Variants in BTNL3 observed in about 807,000 individuals in gnomAD.
BTNL3 encodes butyrophilin like 3.
Under a neutral mutation model 40.1 loss-of-function variants are expected in BTNL3, and 20 were observed. The observed-to-expected ratio is 0.50, with a 90% CI of 0.35 to 0.72. The LOEUF (loss-of-function observed/expected upper bound fraction) is 0.72. Ranked by LOEUF, BTNL3 falls within the 30% of genes least tolerant of loss-of-function variation. The pLI is 0.01. For missense variants in BTNL3, 449 were observed against 582.2 expected, an observed-to-expected ratio of 0.77 and a Z score of 2.35; for synonymous variants, 179 against 222.1, an observed-to-expected ratio of 0.81 and a Z score of 1.73.
chr5:180,992,945 A>C lies in BTNL3; in HGVS notation c.182A>C (p.His61Pro), dbSNP rs762207565. ...GTGCGGTTCTTCAGGAATCAGTTCC[A>C]TGCTGTGGTCCACCTCTACAGAGAT... ...MEVRFFRNQF[H>P]AVVHLYRDGE... is the part of the protein sequence containing the mutation. Residue 61 changes from histidine (H) to proline (P), a missense_variant, in exon 2 of 8, where the codon CAT becomes CCT. By Grantham distance (77) the His-to-Pro change is moderately conservative. This residue lies in a region of BTNL3 where 323 missense variants were observed against 464.9 expected (regional missense o/e 0.69). Transcript: ENST00000342868. The C allele has an allele frequency of 1.4e-6, 2 of 1,463,112 alleles. 1 individual carries two copies. The highest frequency in any genetic ancestry group is 1.9e-6 in the Non-Finnish European group (2 of 1,058,860). The allele number at this position is 1,463,112 out of a possible 1,614,324, so 90.6% of individuals were successfully genotyped here.
Position 180,989,043 on chromosome 5 carries a change from C to A in BTNL3, c.15C>A (p.Leu5=), listed in dbSNP as rs1449937225. ...CAGGAATATCCATGGCTTTTGTGCTCATTTTGGTTCTCAGTTTCTACGAGC... is the reference window on the plus strand; with the variant it reads ...CAGGAATATCCATGGCTTTTGTGCTAATTTTGGTTCTCAGTTTCTACGAGC... The part of the protein sequence containing the change: MAFV[L]ILVLSFYELV... The change falls in exon 1 of 8, where the codon CTC becomes CTA. Residue 5 remains leucine (L), a synonymous_variant. Coordinates refer to ENST00000342868, the MANE Select transcript of BTNL3 (RefSeq NM_197975.3). The A allele has an allele frequency of 2.0e-5, 29 of 1,450,286 alleles. 7 individuals carry two copies. Among genetic ancestry groups the A allele is most frequent in the Non-Finnish European group, 2.6e-5 (27 of 1,052,140 alleles). 89.8% of individuals were successfully genotyped at this position (1,450,286 alleles called of 1,614,324 possible). A position where few individuals can be genotyped will look rare whatever the true frequency, so the allele number is the denominator to read the frequency against.
At chr5:180,998,179 TA>T (rs1195453075) in intron 3 of BTNL3, among the ~76,000 whole-genome samples, 1 of 136,172 alleles carries the variant, frequency 7.3e-6, no homozygotes, top group African/African-American at 2.5e-5. Flanking sequence ...TCATTGAAAA[TA>T]AAAAATACTC....
At position 180,999,257 on chromosome 5, in the gene BTNL3, T is replaced by C. The variant is rs1414704149; in HGVS notation, c.673+1769T>C. Among the ~76,000 whole-genome samples, 4 of 136,570 alleles carry C rather than the reference T, an allele frequency of 2.9e-5. 1 individual carries two copies. The highest frequency in any genetic ancestry group is 1.0e-4 in the African/African-American group (4 of 39,630). 89.6% of individuals were successfully genotyped at this position (136,570 alleles called of 152,430 possible). On this transcript the variant is annotated intron_variant, in intron 3 of 7. Transcript: ENST00000342868. ...GAAAGTGGAAGAAATCCTAAAGATA[T>C]AGAAATATGGAAATATAAAGACAAA... is the stretch of plus-strand genomic sequence containing the variant.
At position 181,005,952 on chromosome 5, in the gene BTNL3, C is replaced by G; in HGVS notation, c.*80C>G. 1 of 1,423,270 alleles carries G rather than the reference C, an allele frequency of 7.0e-7. No individual in the cohort carries two copies. The highest frequency in any genetic ancestry group is 2.4e-5 in the East Asian group (1 of 41,058). The allele number at this position is 1,423,270 out of a possible 1,614,324, so 88.2% of individuals were successfully genotyped here. A position where few individuals can be genotyped will look rare whatever the true frequency, so the allele number is the denominator to read the frequency against. On this transcript the variant is annotated 3_prime_UTR_variant, in exon 8 of 8. Coordinates refer to ENST00000342868, the MANE Select transcript of BTNL3 (RefSeq NM_197975.3). ...GGGAGAGTGCTCCCGACAGGTGGCC[C>G]CAGCTTCCTCTCCGGAGCCTGCGCA... is the stretch of plus-strand genomic sequence containing the variant.
chr5:180,992,179 A>G (rs2113075368), intron 1 of BTNL3, among the ~76,000 whole-genome samples: 1 of 137,328 alleles, frequency 7.3e-6, no homozygotes, highest in Admixed American at 7.7e-5. Context: ...TGAAATAAAA[A>G]CTACAAAATC....
At position 180,990,576 on chromosome 5, in the gene BTNL3, G is replaced by A. The variant is rs1027037554; in HGVS notation, c.49+1499G>A. Among the ~76,000 whole-genome samples the A allele has an allele frequency of 1.6e-4, 22 of 137,496 alleles. 1 individual carries two copies. Among genetic ancestry groups the A allele is most frequent in the African/African-American group, 5.0e-4 (20 of 39,910 alleles). 90.2% of individuals were successfully genotyped at this position (137,496 alleles called of 152,430 possible). On this transcript the variant is annotated intron_variant, in intron 1 of 7. Coordinates refer to ENST00000342868, the MANE Select transcript of BTNL3 (RefSeq NM_197975.3). ...AGGGGAAGGAGTAAAGGGAGACGCTGTCGGCAAGACAAATGACAGCAGCAA... is the reference window on the plus strand; with the variant it reads ...AGGGGAAGGAGTAAAGGGAGACGCTATCGGCAAGACAAATGACAGCAGCAA...
rs367992052 is a variant in BTNL3, at chr5:181,005,602, T to C, written c.1131T>C (p.Tyr377=). 1.2e-4 allele frequency: 194 copies of C among 1,613,962 alleles called. 2 individuals carry two copies. The highest frequency in any genetic ancestry group is 1.0e-3 in the African/African-American group (76 of 74,968). Residue 377 remains tyrosine (Y), a synonymous_variant, in exon 8 of 8, where the codon TAT becomes TAC. Coordinates refer to ENST00000342868, the MANE Select transcript of BTNL3 (RefSeq NM_197975.3). ...TGACTTTGTCTCCCAACAATGGGTATTGGGTCCTCAGACTGACAACAGAAC... is the reference window on the plus strand; with the variant it reads ...TGACTTTGTCTCCCAACAATGGGTACTGGGTCCTCAGACTGACAACAGAAC... ...NNVTLSPNNG[Y]WVLRLTTEHL...
intron 7 of BTNL3, among the ~76,000 whole-genome samples, chr5:181,005,024 T>G (rs10063135): frequency 0.37 from 56,061 of 151,832 alleles, 10,604 homozygotes; most frequent in African/African-American, 0.43. Flanking sequence ...AAAGGGGAAC[T>G]AAGTGAAGTT....
chr5:180,990,259 T>C (rs1423516167), intron 1 of BTNL3, among the ~76,000 whole-genome samples: 1 of 138,026 alleles, frequency 7.2e-6, no homozygotes, highest in Non-Finnish European at 1.7e-5. Flanking sequence ...CCTTTCTGTC[T>C]GCTTTCTGTT....
chr5:181,001,511 C>A lies in BTNL3; in HGVS notation c.674-1161C>A, dbSNP rs2113084716. On this transcript the variant is annotated intron_variant, in intron 3 of 7. Transcript: ENST00000342868. ...AATATTTTTATAGATGGGGGGGGGT[C>A]TCACTTTGTTGCCTAGACTGGTCTC... Among the ~76,000 whole-genome samples, 2 of 121,354 alleles carry A rather than the reference C, an allele frequency of 1.6e-5. 1 individual carries two copies. The highest frequency in any genetic ancestry group is 6.0e-5 in the African/African-American group (2 of 33,438). The allele number at this position is 121,354 out of a possible 152,430, so 79.6% of individuals were successfully genotyped here. A position where few individuals can be genotyped will look rare whatever the true frequency, so the allele number is the denominator to read the frequency against.
chr5:180,996,860 C>T lies in BTNL3; in HGVS notation c.398-353C>T, dbSNP rs775991830. ...TATGAAATGTATTTTATACAGTTTC[C>T]TCACTATTTGATCAATGAGTTTCTC... is the stretch of plus-strand genomic sequence containing the variant. On this transcript the variant is annotated intron_variant, in intron 2 of 7. Coordinates refer to ENST00000342868, the MANE Select transcript of BTNL3 (RefSeq NM_197975.3). 2.2e-4 allele frequency among the ~76,000 whole-genome samples: 30 copies of T among 136,890 alleles called. 7 individuals are homozygous for T. Among genetic ancestry groups the T allele is most frequent in the Non-Finnish European group, 4.7e-4 (28 of 59,870 alleles). 89.8% of individuals were successfully genotyped at this position (136,890 alleles called of 152,430 possible).
Position 180,997,346 on chromosome 5 carries a change from A to T in BTNL3, c.531A>T (p.Ser177=). Residue 177 remains serine, a synonymous_variant, in exon 3 of 8, where the codon TCA becomes TCT. Coordinates refer to ENST00000342868, the MANE Select transcript of BTNL3 (RefSeq NM_197975.3). ...WKGPQGQDLS[S]DSRANADGYS... ...GTCCACAAGGACAGGATTTGTCTTC[A>T]GACTCCAGAGCAAATGCAGATGGGT... 1 of 1,464,498 alleles carries T rather than the reference A, an allele frequency of 6.8e-7. No homozygotes were observed. The highest frequency in any genetic ancestry group is 9.4e-7 in the Non-Finnish European group (1 of 1,059,344). 90.7% of individuals were successfully genotyped at this position (1,464,498 alleles called of 1,614,324 possible).
chr5:180,996,511 G>GT (rs971551815), intron 2 of BTNL3, among the ~76,000 whole-genome samples: 2 of 136,642 alleles, frequency 1.5e-5, no homozygotes, highest in African/African-American at 5.0e-5. Flanking sequence ...CGTTGCTCAG[G>GT]TCAGTGAAGG....
chr5:181,006,081 G>A lies in BTNL3; in HGVS notation c.*209G>A. 1.8e-6 allele frequency: 1 copy of A among 547,422 alleles called. No individual in the cohort carries two copies. The highest frequency in any genetic ancestry group is 3.7e-5 in the South Asian group (1 of 27,358). The allele number at this position is 547,422 out of a possible 1,614,324, so 33.9% of individuals were successfully genotyped here. On this transcript the variant is annotated 3_prime_UTR_variant, in exon 8 of 8. Transcript: ENST00000342868. ...CTTCCAGATGAGGGGGGATTGGCCTGACCCTGTGGGAGTCAGAAGCCATGG... is the reference window on the plus strand; with the variant it reads ...CTTCCAGATGAGGGGGGATTGGCCTAACCCTGTGGGAGTCAGAAGCCATGG...
rs528202186 is a variant in BTNL3, at chr5:180,998,937, G to A, written c.673+1449G>A. ...AGGTCAGGAGTTCAAGACCAGCCTG[G>A]CCATAATGGTGAAACCCCGTCTCTA... On this transcript the variant is annotated intron_variant, in intron 3 of 7. Transcript: ENST00000342868. Among the ~76,000 whole-genome samples, 14 of 136,520 alleles carry A rather than the reference G, an allele frequency of 1.0e-4. 3 individuals are homozygous for A. The highest frequency in any genetic ancestry group is 3.5e-4 in the African/African-American group (14 of 39,824). 89.6% of individuals were successfully genotyped at this position (136,520 alleles called of 152,430 possible). A position where few individuals can be genotyped will look rare whatever the true frequency, so the allele number is the denominator to read the frequency against.
intron 3 of BTNL3, among the ~76,000 whole-genome samples, 167 bp from the exon 4 acceptor site, chr5:181,002,505 T>TATATATA (rs34535231): frequency 1.9e-5 from 2 of 103,880 alleles, no homozygotes; most frequent in Non-Finnish European, 4.2e-5. Context: ...TATATATATA[T>TATATATA]GAAATCCGGA....
chr5:180,992,408 G>A lies in BTNL3; in HGVS notation c.50-405G>A, dbSNP rs1166954866. On this transcript the variant is annotated intron_variant, in intron 1 of 7. Transcript: ENST00000342868. ...CCTGGGTCATTAAAAAAGGTTTTTAGCATAGAAGATGCAAAGGGGGTGGTG... is the reference window on the plus strand; with the variant it reads ...CCTGGGTCATTAAAAAAGGTTTTTAACATAGAAGATGCAAAGGGGGTGGTG... Among the ~76,000 whole-genome samples, 2 of 136,962 alleles carry A rather than the reference G, an allele frequency of 1.5e-5. 1 individual carries two copies. Among genetic ancestry groups the A allele is most frequent in the Non-Finnish European group, 3.3e-5 (2 of 59,856 alleles). The allele number at this position is 136,962 out of a possible 152,430, so 89.9% of individuals were successfully genotyped here. A position where few individuals can be genotyped will look rare whatever the true frequency, so the allele number is the denominator to read the frequency against.
Position 180,988,887 on chromosome 5 carries a change from G to A in BTNL3, c.-142G>A. On this transcript the variant is annotated 5_prime_UTR_variant, in exon 1 of 8. Coordinates refer to ENST00000342868, the MANE Select transcript of BTNL3 (RefSeq NM_197975.3). ...CAGCCATGTTTAGGGAGGCTCTAGG[G>A]AGAAATGCACAGTTTGACATCGTTC... 1 of 996,996 alleles carries A rather than the reference G, an allele frequency of 1.0e-6. No homozygotes were observed. Among genetic ancestry groups the A allele is most frequent in the South Asian group, 1.5e-5 (1 of 67,594 alleles). The allele number at this position is 996,996 out of a possible 1,614,324, so 61.8% of individuals were successfully genotyped here. A position where few individuals can be genotyped will look rare whatever the true frequency, so the allele number is the denominator to read the frequency against.
rs1357172042 is a variant in BTNL3, at chr5:181,002,673, G to A, written c.675G>A (p.Glu225=). The change falls in exon 4 of 8, where the codon GAG becomes GAA. Residue 225 remains glutamate (E), a splice_region_variant and synonymous_variant. Transcript: ENST00000342868. ...HEVESKVLIG[E]TFFQPSPWRL... ...AGGGTCTGTGGGACTGTTTTTCAGA[G>A]ACGTTTTTCCAGCCCTCACCTTGGC... The A allele has an allele frequency of 1.4e-6, 2 of 1,454,180 alleles. No individual in the cohort carries two copies. The highest frequency in any genetic ancestry group is 1.9e-6 in the Non-Finnish European group (2 of 1,054,384). 90.1% of individuals were successfully genotyped at this position (1,454,180 alleles called of 1,614,324 possible).
Sources: allele counts gnomAD v4.1 joint callset (sites outside exome capture counted in the v4.1 genomes callset), GRCh38; gene constraint gnomAD v4.1.1; regional missense constraint gnomAD v4.1.1; transcripts MANE v1.5; gene names NCBI Gene and HGNC (gene_info 2026-07-23, HGNC 2026-07-21).